PTPRD: variants seen among roughly 807,000 people sequenced by gnomAD.
PTPRD encodes the protein protein tyrosine phosphatase receptor type D.
PTPRD carries 34 observed loss-of-function variants against 214.5 expected under a neutral mutation model. The ratio of observed to expected loss-of-function variants is 0.16; its 90% CI spans 0.12 to 0.21. The LOEUF (loss-of-function observed/expected upper bound fraction) is 0.21. PTPRD is among the 10% of genes least tolerant of loss of function. The pLI, the probability that PTPRD is intolerant of heterozygous loss-of-function variation, is 1.00. For missense variants in PTPRD, 2,545 were observed against 2,398.7 expected, an observed-to-expected ratio of 1.06 and a Z score of -1.27; for synonymous variants, 1,128 against 845.7, an observed-to-expected ratio of 1.33 and a Z score of -5.79.
chr9:8,612,777 C>A (rs1341259586), intron 14 of PTPRD, among the ~76,000 whole-genome samples: 6 of 152,210 alleles, frequency 3.9e-5, no homozygotes, highest in Non-Finnish European at 8.8e-5. Context: ...CCTGCCTCAA[C>A]TTTTCTCCAG....
At chr9:9,067,880 A>T (rs769612048) in intron 10 of PTPRD, among the ~76,000 whole-genome samples, 2 of 152,092 alleles carry the variant, frequency 1.3e-5, no homozygotes, top group Admixed American at 1.3e-4. Flanking sequence ...ATTTTATCAC[A>T]TGTAGATTTG....
intron 11 of PTPRD, among the ~76,000 whole-genome samples, chr9:8,977,854 A>AAATGTAAT (rs1056127807): frequency 1.3e-5 from 2 of 152,088 alleles, no homozygotes; most frequent in Admixed American, 6.6e-5. Flanking sequence ...GGGAGGTAGA[A>AAATGTAAT]AATGTAATGG....
chr9:9,983,527 ACC>A (rs2095612085), intron 4 of PTPRD, among the ~76,000 whole-genome samples: 2 of 152,250 alleles, frequency 1.3e-5, no homozygotes, highest in Non-Finnish European at 1.5e-5. Flanking sequence ...AGCACTTAGT[ACC>A]AGCTACACCG....
intron 11 of PTPRD, among the ~76,000 whole-genome samples, chr9:8,765,978 C>A (rs2154480071): frequency 6.6e-6 from 1 of 152,052 alleles, no homozygotes; most frequent in Non-Finnish European, 1.5e-5. Flanking sequence ...AAGCTATAAA[C>A]AGGTAGTTCT....
chr9:10,518,536 T>C (rs1355791807), intron 2 of PTPRD, among the ~76,000 whole-genome samples: 1 of 145,116 alleles, frequency 6.9e-6, no homozygotes, highest in Non-Finnish European at 1.5e-5. Flanking sequence ...TCATTTACAA[T>C]TTTTTTTTTT....
At chr9:9,738,044 T>C (rs1307905024) in intron 6 of PTPRD, among the ~76,000 whole-genome samples, 3 of 151,932 alleles carry the variant, frequency 2.0e-5, no homozygotes, top group Admixed American at 6.6e-5. Context: ...TAGTTGGGAA[T>C]TGAACAACGA....
intron 14 of PTPRD, among the ~76,000 whole-genome samples, chr9:8,550,193 G>A (rs933208657): frequency 6.6e-6 from 1 of 152,106 alleles, no homozygotes; most frequent in African/African-American, 2.4e-5. Flanking sequence ...GCTTATGATT[G>A]CTCTGGCCTT....
At chr9:8,717,462 C>T (rs1241085757) in intron 12 of PTPRD, among the ~76,000 whole-genome samples, 3 of 152,088 alleles carry the variant, frequency 2.0e-5, no homozygotes, top group Admixed American at 6.5e-5. Context: ...TCCTCAAGAC[C>T]CTCATTCTAT....
chr9:8,605,433 A>G (rs1290949230), intron 14 of PTPRD, among the ~76,000 whole-genome samples: 1 of 152,162 alleles, frequency 6.6e-6, no homozygotes, highest in Non-Finnish European at 1.5e-5. Flanking sequence ...CATTTTTGAG[A>G]TGACCTGAAA....
chr9:10,361,307 T>A (rs2097384848), intron 2 of PTPRD, among the ~76,000 whole-genome samples: 1 of 152,148 alleles, frequency 6.6e-6, no homozygotes. Flanking sequence ...TGTATACTCA[T>A]AAGAGAAAAG....
intron 7 of PTPRD, among the ~76,000 whole-genome samples, chr9:9,658,420 C>T (rs988385575): frequency 1.3e-5 from 2 of 152,116 alleles, no homozygotes; most frequent in African/African-American, 4.8e-5. Flanking sequence ...TTCTCTCAAA[C>T]TTGACTAGAA....
At chr9:8,815,899 C>A (rs1170828158) in intron 11 of PTPRD, among the ~76,000 whole-genome samples, 1 of 152,104 alleles carries the variant, frequency 6.6e-6, no homozygotes, top group Non-Finnish European at 1.5e-5. Context: ...GTGAAATAAC[C>A]ATTAGCCTGC....
intron 2 of PTPRD, among the ~76,000 whole-genome samples, chr9:10,525,033 G>C (rs1378862889): frequency 6.6e-6 from 1 of 151,304 alleles, no homozygotes; most frequent in Non-Finnish European, 1.5e-5. Context: ...CAAATGCTTC[G>C]GTTTCTATTT....
Position 8,656,736 on chromosome 9 carries a change from G to A in PTPRD, c.65-19892C>T, listed in dbSNP as rs550243416. ...GCAGAATATCTTTATATGGTTCACA[G>A]TTAAATTATTACTGGCCTTCCGGTA... On this transcript the variant is annotated intron_variant, in intron 12 of 45. Transcript: ENST00000381196. Among the ~76,000 whole-genome samples the A allele has an allele frequency of 3.9e-5, 6 of 152,298 alleles. No homozygotes were observed. In the South Asian group the frequency reaches 6.2e-4, roughly 16 times the overall value.
intron 3 of PTPRD, among the ~76,000 whole-genome samples, chr9:10,220,196 C>T (rs1268437421): frequency 4.6e-5 from 7 of 151,648 alleles, no homozygotes; most frequent in Non-Finnish European, 8.8e-5. Flanking sequence ...TAATAAATTG[C>T]AGTATAACAC....
At chr9:10,022,424 G>T (rs2096841343) in intron 4 of PTPRD, among the ~76,000 whole-genome samples, 1 of 149,894 alleles carries the variant, frequency 6.7e-6, no homozygotes, top group Non-Finnish European at 1.5e-5. Flanking sequence ...ATAAATGTTT[G>T]TTGAATGAAA....
chr9:9,704,778 A>G (rs1471322868), intron 7 of PTPRD, among the ~76,000 whole-genome samples: 2 of 152,198 alleles, frequency 1.3e-5, no homozygotes, highest in Non-Finnish European at 2.9e-5. Context: ...TGCCTAGGCT[A>G]CTAGCCATAC....
intron 5 of PTPRD, among the ~76,000 whole-genome samples, chr9:9,923,312 C>G (rs1430274592): frequency 6.7e-6 from 1 of 148,612 alleles, no homozygotes. Context: ...TCAAGAAAAT[C>G]TATCAAAAGT....
chr9:9,103,936 T>A (rs933888573), intron 10 of PTPRD, among the ~76,000 whole-genome samples: 6 of 152,118 alleles, frequency 3.9e-5, no homozygotes, highest in Non-Finnish European at 7.3e-5. Context: ...CGAGCCAAGA[T>A]GTTGCCACTG....
Sources: allele counts gnomAD v4.1 joint callset (sites outside exome capture counted in the v4.1 genomes callset), GRCh38; gene constraint gnomAD v4.1.1; transcripts MANE v1.5; gene names NCBI Gene and HGNC (gene_info 2026-07-23, HGNC 2026-07-21).